KCNIP4: variants seen among roughly 807,000 people sequenced by gnomAD.
KCNIP4 encodes the protein Kv channel-interacting protein 4.
Under a neutral mutation model 34.0 loss-of-function variants are expected in KCNIP4, and 12 were observed. That is an observed-to-expected ratio of 0.35 (90% CI 0.23 to 0.57). KCNIP4 has a LOEUF of 0.57. Among genes scored for constraint, KCNIP4 ranks in the 20% least tolerant of loss-of-function variants. KCNIP4 has a pLI of 0.83. For missense variants in KCNIP4, 238 were observed against 311.7 expected (o/e 0.76, Z 1.78); for synonymous variants, 124 against 102.2 (o/e 1.21, Z -1.29).
chr4:20,758,849 C>A lies in KCNIP4; in HGVS notation c.330G>T (p.Glu110Asp), dbSNP rs746286437. The A allele has an allele frequency of 3.7e-6, 6 of 1,613,168 alleles. No individual in the cohort carries two copies. The East Asian group carries it at 1.3e-4, about 36-fold the overall frequency. The change falls in exon 4 of 9, where the codon GAG (glutamate) becomes GAT (aspartate). Residue 110 changes from glutamate to aspartate, a missense_variant. Transcript: ENST00000382152. ...SGVVNEETFK[E>D]IYSQFFPQGD... ...CCTGTGGAAAGAACTGCGAGTAAATCTCTTTGAAGGTTTCTTCATTAACAA... is the reference window on the plus strand; with the variant it reads ...CCTGTGGAAAGAACTGCGAGTAAATATCTTTGAAGGTTTCTTCATTAACAA...
chr4:20,764,333 A>G (rs1373264958), intron 3 of KCNIP4, among the ~76,000 whole-genome samples: 2 of 152,180 alleles, frequency 1.3e-5, no homozygotes, highest in Admixed American at 6.5e-5. Flanking sequence ...TTTAGGAAAT[A>G]TCCTGAACAT....
At chr4:21,877,119 C>T (rs1013989594) in intron 1 of KCNIP4, among the ~76,000 whole-genome samples, 10 of 152,032 alleles carry the variant, frequency 6.6e-5, no homozygotes. Context: ...TTTGGGAGGC[C>T]GAGGCGATGG....
chr4:21,126,194 T>C (rs973836492), intron 1 of KCNIP4, among the ~76,000 whole-genome samples: 1 of 152,206 alleles, frequency 6.6e-6, no homozygotes, highest in Non-Finnish European at 1.5e-5. Context: ...AAATGCAGTC[T>C]ATTATGTTAT....
At chr4:21,708,604 A>G (rs1211817856) in intron 1 of KCNIP4, among the ~76,000 whole-genome samples, 1 of 152,172 alleles carries the variant, frequency 6.6e-6, no homozygotes, top group African/African-American at 2.4e-5. Flanking sequence ...GCCTAAAGCC[A>G]CCTGCAGACC....
chr4:21,944,145 A>G (rs998435270), intron 1 of KCNIP4, among the ~76,000 whole-genome samples: 1 of 152,120 alleles, frequency 6.6e-6, no homozygotes, highest in African/African-American at 2.4e-5. Context: ...AATAAGAATC[A>G]AAGCCACACT....
chr4:21,832,499 T>G (rs963310942), intron 1 of KCNIP4, among the ~76,000 whole-genome samples: 2 of 152,182 alleles, frequency 1.3e-5, no homozygotes, highest in Admixed American at 1.3e-4. Flanking sequence ...TAATTACCCA[T>G]CTGAGGAAAT....
rs76791755 is a variant in KCNIP4, at chr4:20,993,683, T to C, written c.62-110974A>G. On this transcript the variant is annotated intron_variant, in intron 1 of 8. Coordinates refer to ENST00000382152, the MANE Select transcript of KCNIP4 (RefSeq NM_025221.6). ...TGTGCCTGAGATTGCTTATTTTCTG[T>C]TATTGTACCCATTACTATAATGCTG... is the stretch of plus-strand genomic sequence containing the variant. Among the ~76,000 whole-genome samples the C allele has an allele frequency of 8.6e-3, 1,309 of 152,194 alleles. 17 individuals are homozygous for C. The highest frequency in any genetic ancestry group is 0.03 in the African/African-American group (1,255 of 41,434).
intron 1 of KCNIP4, among the ~76,000 whole-genome samples, chr4:21,614,799 GT>G (rs1744461295): frequency 6.6e-6 from 1 of 151,990 alleles, no homozygotes; most frequent in Non-Finnish European, 1.5e-5. Flanking sequence ...TCAGGAATCC[GT>G]TTTAGGACAC....
At chr4:21,400,274 G>T (rs930389828) in intron 1 of KCNIP4, among the ~76,000 whole-genome samples, 4 of 152,050 alleles carry the variant, frequency 2.6e-5, no homozygotes, top group Admixed American at 2.0e-4. Context: ...ATGTCCAGAG[G>T]AACAAATATA....
intron 1 of KCNIP4, among the ~76,000 whole-genome samples, chr4:21,315,110 A>G (rs1199938646): frequency 1.3e-5 from 2 of 152,154 alleles, no homozygotes; most frequent in Non-Finnish European, 2.9e-5. Flanking sequence ...CAGTTACATT[A>G]CCTATACAAC....
intron 1 of KCNIP4, among the ~76,000 whole-genome samples, chr4:21,730,299 C>T (rs530036008): frequency 1.3e-5 from 2 of 152,314 alleles, no homozygotes; most frequent in South Asian, 4.2e-4. Flanking sequence ...CCCTCATTAA[C>T]ATTTGCAACT....
At chr4:21,417,283 GT>G (rs1725036317) in intron 1 of KCNIP4, among the ~76,000 whole-genome samples, 1 of 152,070 alleles carries the variant, frequency 6.6e-6, no homozygotes, top group Admixed American at 6.6e-5. Flanking sequence ...AGGTGTGTGT[GT>G]GTGTGTGTGT....
At chr4:20,906,067 C>T (rs977134284) in intron 1 of KCNIP4, among the ~76,000 whole-genome samples, 2 of 147,844 alleles carry the variant, frequency 1.4e-5, no homozygotes, top group African/African-American at 2.5e-5. Context: ...CTCCCTCCCT[C>T]CCTTCCCTCC....
At chr4:21,234,023 TTA>T (rs1239654697) in intron 1 of KCNIP4, among the ~76,000 whole-genome samples, 1 of 105,896 alleles carries the variant, frequency 9.4e-6, no homozygotes, top group Admixed American at 1.1e-4. Context: ...ATAACATATA[TTA>T]TATATAACAT....
intron 1 of KCNIP4, among the ~76,000 whole-genome samples, chr4:21,819,831 T>C (rs546902672): frequency 1.3e-5 from 2 of 152,214 alleles, no homozygotes; most frequent in African/African-American, 4.8e-5. Flanking sequence ...CACTTACTTA[T>C]TGTTAGAAAA....
intron 1 of KCNIP4, chr4:21,849,423 A>T (rs1377964203): frequency 6.6e-6 from 1 of 152,140 alleles, no homozygotes; most frequent in African/African-American, 2.4e-5. Flanking sequence ...TGCAATCTGC[A>T]AATCAGTCTG....
chr4:21,019,397 A>G (rs184200053), intron 1 of KCNIP4, among the ~76,000 whole-genome samples: 187 of 152,324 alleles, frequency 1.2e-3, no homozygotes, highest in African/African-American at 3.8e-3. Flanking sequence ...ACCTCAGGTA[A>G]TCTGCCTGAC....
intron 3 of KCNIP4, among the ~76,000 whole-genome samples, chr4:20,805,057 C>T (rs557812124): frequency 6.6e-6 from 1 of 152,062 alleles, no homozygotes; most frequent in South Asian, 2.1e-4. Flanking sequence ...TGCTTGCTGA[C>T]AAGTAGGTAG....
At chr4:21,789,361 T>C (rs1264408178) in intron 1 of KCNIP4, among the ~76,000 whole-genome samples, 4 of 152,104 alleles carry the variant, frequency 2.6e-5, no homozygotes, top group South Asian at 2.1e-4. Context: ...TTATCTCTAA[T>C]AGAAGAGAGC....
Sources: gnomAD v4.1 joint callset for allele counts (sites outside exome capture counted in the v4.1 genomes callset) on GRCh38, gnomAD v4.1.1 for gene constraint, MANE v1.5 for transcripts, NCBI Gene and HGNC (gene_info 2026-07-23, HGNC 2026-07-21) for gene names.